HS6ST2: variants seen among roughly 807,000 people sequenced by gnomAD.
HS6ST2 encodes the protein heparan sulfate 6-O-sulfotransferase 2.
HS6ST2 carries 17 observed loss-of-function variants against 33.0 expected under a neutral mutation model. The ratio of observed to expected loss-of-function variants is 0.52; its 90% CI spans 0.35 to 0.77. The LOEUF is 0.77. HS6ST2 is among the 30% of genes least tolerant of loss of function. The pLI is 0.01. For missense variants in HS6ST2, 519 were observed against 551.7 expected (o/e 0.94, Z 0.59); for synonymous variants, 248 against 237.1 (o/e 1.05, Z -0.42).
At chrX:132,840,633 C>T (rs757823096) in intron 2 of HS6ST2, among the ~76,000 whole-genome samples, 27 of 111,716 alleles carry the variant, frequency 2.4e-4, no homozygotes, top group African/African-American at 8.8e-4. Flanking sequence ...ATATTAATTT[C>T]ACTCTATTTC....
At chrX:132,704,290 C>T (rs2064170112) in intron 3 of HS6ST2, among the ~76,000 whole-genome samples, 1 of 112,481 alleles carries the variant, frequency 8.9e-6, no homozygotes, top group African/African-American at 3.2e-5. Flanking sequence ...CATGGTGGCT[C>T]ACGCCGGTAA....
intron 2 of HS6ST2, among the ~76,000 whole-genome samples, chrX:132,917,308 C>T (rs984116509): frequency 1.8e-5 from 2 of 111,850 alleles, no homozygotes; most frequent in Non-Finnish European, 3.8e-5. Context: ...CAAAACATGA[C>T]CATGTTGAGG....
intron 2 of HS6ST2, among the ~76,000 whole-genome samples, chrX:132,879,180 C>A (rs1403935757): frequency 9.0e-6 from 1 of 111,680 alleles, no homozygotes; most frequent in African/African-American, 3.3e-5. Flanking sequence ...GGAGAATAAT[C>A]AGTACTGGCT....
At chrX:132,875,746 C>A (rs2066103903) in intron 2 of HS6ST2, among the ~76,000 whole-genome samples, 1 of 112,093 alleles carries the variant, frequency 8.9e-6, no homozygotes, top group Non-Finnish European at 1.9e-5. Context: ...ACACTTAAGC[C>A]CAAAGTCTAC....
intron 2 of HS6ST2, among the ~76,000 whole-genome samples, chrX:132,738,744 G>A (rs1444846700): frequency 1.8e-5 from 2 of 111,869 alleles, no homozygotes; most frequent in Non-Finnish European, 3.8e-5. Flanking sequence ...TTCTCCCCCT[G>A]AGCTCTTTCC....
intron 2 of HS6ST2, among the ~76,000 whole-genome samples, chrX:132,773,339 G>C (rs2064926373): frequency 9.2e-6 from 1 of 108,578 alleles, no homozygotes; most frequent in Non-Finnish European, 1.9e-5. Flanking sequence ...TGTTGACAAA[G>C]ATGTGGAGAA....
chrX:132,739,095 C>T (rs1429096086), intron 2 of HS6ST2, among the ~76,000 whole-genome samples: 4 of 111,725 alleles, frequency 3.6e-5, no homozygotes, highest in African/African-American at 9.8e-5. Flanking sequence ...TCCCAGGGTT[C>T]GTGAGAGGAA....
intron 4 of HS6ST2, among the ~76,000 whole-genome samples, chrX:132,632,787 G>C (rs1354757808): frequency 9.0e-6 from 1 of 110,853 alleles, no homozygotes; most frequent in Admixed American, 9.6e-5. Flanking sequence ...ACAAGAATTA[G>C]ATGAGGCAAC....
chrX:132,769,401 T>C (rs1292463036), intron 2 of HS6ST2, among the ~76,000 whole-genome samples: 2 of 112,114 alleles, frequency 1.8e-5, no homozygotes, highest in African/African-American at 6.5e-5. Flanking sequence ...ACCCAATGCA[T>C]GGGCTCCAGA....
intron 2 of HS6ST2, among the ~76,000 whole-genome samples, chrX:132,739,642 G>C (rs1021562453): frequency 1.9e-5 from 2 of 107,599 alleles, no homozygotes; most frequent in Non-Finnish European, 3.8e-5. Flanking sequence ...TTGAACCCAG[G>C]GGGCAGAGGT....
At chrX:132,736,344 G>A (rs2064510595) in intron 2 of HS6ST2, among the ~76,000 whole-genome samples, 1 of 111,920 alleles carries the variant, frequency 8.9e-6, no homozygotes, top group Admixed American at 9.4e-5. Flanking sequence ...AAAGTCTCCT[G>A]AGTGTCCCAT....
chrX:132,735,746 G>C (rs945443372), intron 2 of HS6ST2, among the ~76,000 whole-genome samples: 19 of 112,302 alleles, frequency 1.7e-4, no homozygotes, highest in African/African-American at 5.5e-4. Flanking sequence ...CCAGGGCCTT[G>C]TGACTTTTCC....
At chrX:132,697,414 A>G (rs1226641025) in intron 3 of HS6ST2, among the ~76,000 whole-genome samples, 1 of 112,267 alleles carries the variant, frequency 8.9e-6, no homozygotes, top group Non-Finnish European at 1.9e-5. Flanking sequence ...ACAACAGGTC[A>G]CATGAGAGTT....
At chrX:132,886,884 C>T (rs1297685040) in intron 2 of HS6ST2, among the ~76,000 whole-genome samples, 2 of 111,386 alleles carry the variant, frequency 1.8e-5, no homozygotes, top group African/African-American at 6.5e-5. Context: ...CCTGTAATCC[C>T]AGCACTTTGG....
At position 132,917,988 on chromosome X, in the gene HS6ST2, A is replaced by G. The variant is rs1035674572; in HGVS notation, c.947+38820T>C. Among the ~76,000 whole-genome samples the G allele has an allele frequency of 2.7e-5, 3 of 112,408 alleles. No individual in the cohort carries two copies. The South Asian group carries it at 1.1e-3, about 42-fold the overall frequency. Reference sequence around the variant, plus strand: ...AACACAAGTCCAGGAGTGTAAAAAGACAGGCACTGTCCTCCCCATTTTAGA... The same window carrying G: ...AACACAAGTCCAGGAGTGTAAAAAGGCAGGCACTGTCCTCCCCATTTTAGA... On this transcript the variant is annotated intron_variant, in intron 2 of 4. Coordinates refer to ENST00000370833, the MANE Select transcript of HS6ST2 (RefSeq NM_001394073.1).
rs746694883 is a variant in HS6ST2, at chrX:132,663,247, T to A, written c.1067+5866A>T. 3.6e-5 allele frequency among the ~76,000 whole-genome samples: 4 copies of A among 112,629 alleles called. No homozygotes were observed. In the East Asian group the frequency reaches 1.1e-3, roughly 31 times the overall value. ...CAGCTGACTAGCACTAGGTTAAATATCAAAGCATGTCCAGCCTATGTTATT... is the reference window on the plus strand; with the variant it reads ...CAGCTGACTAGCACTAGGTTAAATAACAAAGCATGTCCAGCCTATGTTATT... On this transcript the variant is annotated intron_variant, in intron 4 of 4. Coordinates refer to ENST00000370833, the MANE Select transcript of HS6ST2 (RefSeq NM_001394073.1).
At chrX:132,656,662 C>T (rs2063731853) in intron 4 of HS6ST2, among the ~76,000 whole-genome samples, 2 of 111,561 alleles carry the variant, frequency 1.8e-5, no homozygotes, top group Non-Finnish European at 1.9e-5. Flanking sequence ...TAGTTTAGCT[C>T]CCATGTATAA....
intron 3 of HS6ST2, among the ~76,000 whole-genome samples, chrX:132,670,552 C>A: frequency 8.9e-6 from 1 of 112,228 alleles, no homozygotes; most frequent in Non-Finnish European, 1.9e-5. Context: ...GTAATCCCAG[C>A]ACTTTGGGAG....
Position 132,958,260 on chromosome X carries a change from G to A in HS6ST2, c.343C>T (p.Leu115Phe). ...CCCAGGGCGGCCAGGCCCCGAGTGAGCAGGGCCCGGCAGAGGGAGCCCAGG... is the reference window on the plus strand; with the variant it reads ...CCCAGGGCGGCCAGGCCCCGAGTGAACAGGGCCCGGCAGAGGGAGCCCAGG... ...WDLGSLCRAL[L>F]TRGLAALGHS... The change falls in exon 1 of 5, where the codon CTC becomes TTC. Residue 115 changes from leucine to phenylalanine, a missense_variant. By Grantham distance (22) the Leu-to-Phe change is conservative. Transcript: ENST00000370833. The A allele has an allele frequency of 8.4e-7, 1 of 1,187,508 alleles. No homozygotes were observed. The highest frequency in any genetic ancestry group is 1.1e-6 in the Non-Finnish European group (1 of 888,630).
Sources: allele counts gnomAD v4.1 joint callset (sites outside exome capture counted in the v4.1 genomes callset), GRCh38; gene constraint gnomAD v4.1.1; transcripts MANE v1.5; gene names NCBI Gene and HGNC (gene_info 2026-07-23, HGNC 2026-07-21).